CLEC16A: variants seen among roughly 807,000 people sequenced by gnomAD.
CLEC16A encodes protein CLEC16A.
A neutral mutation model predicts 109.5 loss-of-function variants in CLEC16A; 51 were observed. That is an observed-to-expected ratio of 0.47 (90% CI 0.37 to 0.59). CLEC16A has a LOEUF of 0.59. Among genes scored for constraint, CLEC16A ranks in the 20% least tolerant of loss-of-function variants. CLEC16A has a pLI of 0.00. For missense variants in CLEC16A, 1,339 were observed against 1,394.0 expected, an observed-to-expected ratio of 0.96 and a Z score of 0.63; for synonymous variants, 673 against 564.2, an observed-to-expected ratio of 1.19 and a Z score of -2.73.
intron 10 of CLEC16A, among the ~76,000 whole-genome samples, chr16:10,991,964 G>A (rs1266302525): frequency 6.6e-6 from 1 of 152,204 alleles, no homozygotes; most frequent in African/African-American, 2.4e-5. Flanking sequence ...CATCCCTGGA[G>A]GTGATTAATG....
At chr16:11,132,736 G>A (rs776742664) in intron 22 of CLEC16A, among the ~76,000 whole-genome samples, 4 of 152,188 alleles carry the variant, frequency 2.6e-5, no homozygotes, top group Non-Finnish European at 4.4e-5. Flanking sequence ...CACTTGGCCA[G>A]GGGGTGGGTA....
intron 22 of CLEC16A, among the ~76,000 whole-genome samples, chr16:11,131,940 C>G (rs748782656): frequency 4.8e-4 from 73 of 152,346 alleles, no homozygotes; most frequent in Non-Finnish European, 5.1e-4. Flanking sequence ...TCGTGCTTCC[C>G]TCCGCCTGGA....
intron 19 of CLEC16A, among the ~76,000 whole-genome samples, chr16:11,074,734 C>A (rs1361779756): frequency 6.6e-6 from 1 of 152,170 alleles, no homozygotes; most frequent in Non-Finnish European, 1.5e-5. Context: ...TGAAGTGGCT[C>A]TAGGACAGTT....
At chr16:11,076,568 A>G (rs1366741789) in intron 19 of CLEC16A, among the ~76,000 whole-genome samples, 1 of 152,094 alleles carries the variant, frequency 6.6e-6, no homozygotes, top group Non-Finnish European at 1.5e-5. Flanking sequence ...CAGTGAACCC[A>G]GCCACCAGAT....
intron 19 of CLEC16A, among the ~76,000 whole-genome samples, chr16:11,116,522 G>T (rs1434854516): frequency 6.6e-6 from 1 of 152,194 alleles, no homozygotes; most frequent in African/African-American, 2.4e-5. Context: ...CACGAGGCCT[G>T]TAAAGACCGA....
intron 19 of CLEC16A, among the ~76,000 whole-genome samples, chr16:11,079,943 G>C (rs1246644109): frequency 6.6e-6 from 1 of 152,218 alleles, no homozygotes; most frequent in Non-Finnish European, 1.5e-5. Context: ...TTCCAGACTA[G>C]ATTGATGCAG....
chr16:10,962,626 T>C (rs201698617), intron 3 of CLEC16A, 38 bp downstream of exon 3: 18 of 1,604,262 alleles, frequency 1.1e-5, no homozygotes, highest in Non-Finnish European at 1.5e-5. Flanking sequence ...TGTGCTGCTG[T>C]GCATGTAGCA....
At chr16:11,018,031 G>A (rs535666332) in intron 11 of CLEC16A, among the ~76,000 whole-genome samples, 10 of 151,432 alleles carry the variant, frequency 6.6e-5, no homozygotes, top group Non-Finnish European at 8.8e-5. Context: ...GGTGAAGGCC[G>A]GTGTGGTGGC....
chr16:10,962,712 G>A, intron 3 of CLEC16A, 124 bp downstream of exon 3: 1 of 1,015,078 alleles, frequency 9.9e-7, no homozygotes, highest in South Asian at 1.5e-5. Flanking sequence ...AAATACCATA[G>A]ACTGAGTGGG....
intron 13 of CLEC16A, among the ~76,000 whole-genome samples, chr16:11,036,903 C>T (rs1721440075): frequency 6.6e-6 from 1 of 152,188 alleles, no homozygotes; most frequent in Non-Finnish European, 1.5e-5. Context: ...CATGCTCAAA[C>T]TAAAAATTCT....
intron 13 of CLEC16A, among the ~76,000 whole-genome samples, chr16:11,035,867 T>C (rs2046988251): frequency 6.6e-6 from 1 of 152,102 alleles, no homozygotes; most frequent in Non-Finnish European, 1.5e-5. Context: ...TTCAAAACAC[T>C]GGATAGTTGG....
At chr16:11,104,934 G>C (rs779122866) in intron 19 of CLEC16A, among the ~76,000 whole-genome samples, 2 of 152,206 alleles carry the variant, frequency 1.3e-5, no homozygotes, top group South Asian at 4.1e-4. Context: ...GGATACCCTT[G>C]TTCCTGGGCT....
At chr16:10,958,715 G>A (rs191643796) in intron 2 of CLEC16A, among the ~76,000 whole-genome samples, 27 of 152,260 alleles carry the variant, frequency 1.8e-4, no homozygotes, top group Admixed American at 1.7e-3. Flanking sequence ...ACCAGCCTGG[G>A]CAACATACAG....
intron 22 of CLEC16A, among the ~76,000 whole-genome samples, chr16:11,161,907 G>A (rs541840567): frequency 1.3e-5 from 2 of 152,190 alleles, no homozygotes; most frequent in Non-Finnish European, 2.9e-5. Context: ...GCTGCTGGCC[G>A]GCTCTGAATC....
chr16:11,005,646 A>G (rs893970102), intron 11 of CLEC16A, among the ~76,000 whole-genome samples: 9 of 152,094 alleles, frequency 5.9e-5, no homozygotes, highest in African/African-American at 2.2e-4. Context: ...TGAATTATAT[A>G]TTTGCTCTCT....
chr16:11,042,275 C>A lies in CLEC16A; in HGVS notation c.1682C>A (p.Thr561Lys). 2 of 1,585,046 alleles carry A rather than the reference C, an allele frequency of 1.3e-6. No homozygotes were observed. The highest frequency in any genetic ancestry group is 1.7e-6 in the Non-Finnish European group (2 of 1,166,026). Reference sequence around the variant, plus strand: ...GCAGATGGGAAGATCCGGCTGGCGACGCTGGAGCTGAGCTGCCTGCTTCTG... The same window carrying A: ...GCAGATGGGAAGATCCGGCTGGCGAAGCTGGAGCTGAGCTGCCTGCTTCTG... ...AQPDGKIRLA[T>K]LELSCLLLKQ... The change falls in exon 15 of 24, where the codon ACG becomes AAG. Residue 561 changes from threonine to lysine, a missense_variant. Physicochemically the swap from Thr to Lys is moderately conservative, Grantham distance 78 (BLOSUM62 -1). This residue lies in a region of CLEC16A where 1,061 missense variants were observed against 1,006.8 expected (regional missense o/e 1.05). Coordinates refer to ENST00000409790, the MANE Select transcript of CLEC16A (RefSeq NM_015226.3).
chr16:11,114,986 C>G (rs2051876340), intron 19 of CLEC16A, among the ~76,000 whole-genome samples: 1 of 152,218 alleles, frequency 6.6e-6, no homozygotes, highest in African/African-American at 2.4e-5. Context: ...GCTTTGATGT[C>G]TCAATTACAT....
intron 21 of CLEC16A, among the ~76,000 whole-genome samples, chr16:11,124,772 C>G (rs2052681587): frequency 6.6e-6 from 1 of 152,138 alleles, no homozygotes; most frequent in Admixed American, 6.5e-5. Flanking sequence ...TGTGGGGGTG[C>G]TTTCTCAAGG....
chr16:10,995,573 C>G (rs1220168319), intron 10 of CLEC16A, among the ~76,000 whole-genome samples: 2 of 152,218 alleles, frequency 1.3e-5, no homozygotes, highest in Non-Finnish European at 2.9e-5. Flanking sequence ...TCCTCGTGAT[C>G]TATTTGCCAG....
Sources: allele counts gnomAD v4.1 joint callset (sites outside exome capture counted in the v4.1 genomes callset), GRCh38; gene constraint gnomAD v4.1.1; regional missense constraint gnomAD v4.1.1; transcripts MANE v1.5; gene names NCBI Gene and HGNC (gene_info 2026-07-23, HGNC 2026-07-21).